The following RIPPLY1 variants were observed in gnomAD, a reference collection of about 807,000 sequenced individuals.
RIPPLY1 encodes ripply transcriptional repressor 1.
RIPPLY1 carries 10 observed loss-of-function variants against 8.7 expected under a neutral mutation model. The observed-to-expected ratio is 1.15, with a 90% CI of 0.71 to 1.94. RIPPLY1 has a LOEUF of 1.94. Ranked by LOEUF, RIPPLY1 falls within the 30% of genes most tolerant of loss-of-function variation. The pLI is 0.00. For synonymous variants in RIPPLY1, 54 were observed against 44.8 expected, an observed-to-expected ratio of 1.20 and a Z score of -0.82; for missense variants, 118 against 108.7, an observed-to-expected ratio of 1.09 and a Z score of -0.38.
intron 3 of RIPPLY1, among the ~76,000 whole-genome samples, chrX:106,901,112 C>T (rs1326296459): frequency 8.9e-6 from 1 of 112,238 alleles, no homozygotes; most frequent in African/African-American, 3.2e-5. Context: ...CCTTATGGAC[C>T]TATAGTGGTT....
Position 106,900,741 on chromosome X carries a change from T to C in RIPPLY1, c.*8A>G, listed in dbSNP as rs1398606237. ...CACACACCCTTCTGGCCCCTTTTCA[T>C]TGGCCTCCTACTTCTCTTCTTCATC... On this transcript the variant is annotated 3_prime_UTR_variant, in exon 4 of 4. Coordinates refer to ENST00000276173, the MANE Select transcript of RIPPLY1 (RefSeq NM_138382.3). The C allele has an allele frequency of 1.7e-6, 2 of 1,203,202 alleles. No homozygotes were observed. Among genetic ancestry groups the C allele is most frequent in the Non-Finnish European group, 2.2e-6 (2 of 891,151 alleles).
intron 1 of RIPPLY1, among the ~76,000 whole-genome samples, chrX:106,902,741 G>A (rs1418268821): frequency 8.9e-6 from 1 of 111,950 alleles, no homozygotes; most frequent in Non-Finnish European, 1.9e-5. Flanking sequence ...GCGTGGTCAG[G>A]AAAAAGACAA....
Position 106,900,995 on chromosome X carries a change from C to A in RIPPLY1, c.297-87G>T, listed in dbSNP as rs768503495. On this transcript the variant is annotated intron_variant, in intron 3 of 3. Coordinates refer to ENST00000276173, the MANE Select transcript of RIPPLY1 (RefSeq NM_138382.3). ...GCCAAGAAAGAAGCTGGCCCCTAAA[C>A]CCCTTCTCTTGGCTGCAACAATGAG... 50 of 1,113,013 alleles carry A rather than the reference C, an allele frequency of 4.5e-5. No individual in the cohort carries two copies. The African/African-American group carries it at 5.8e-4, about 13-fold the overall frequency. The allele number at this position is 1,113,013 out of a possible 1,213,427, so 91.7% of individuals were successfully genotyped here.
chrX:106,900,811 C>A lies in RIPPLY1; in HGVS notation c.394G>T (p.Glu132Ter). Residue 132 changes from glutamate to a stop codon, truncating the protein, a stop_gained, in exon 4 of 4, where the codon GAG (glutamate) becomes TAG (stop). Transcript: ENST00000276173. LOFTEE classifies it high-confidence loss of function. ...TCTTCTTCTTCGCTGTCTGAGTCCT[C>A]GTATAGGTTGATGGTTGCCTGGACA... ...FPVQATINLY[E>*]DSDSEEEEED... The A allele has an allele frequency of 8.3e-7, 1 of 1,211,445 alleles. No individual in the cohort carries two copies. Among genetic ancestry groups the A allele is most frequent in the Non-Finnish European group, 1.1e-6 (1 of 895,331 alleles).
rs1933123924 is a variant in RIPPLY1 at position 106,902,849 on chromosome X, C to T, written c.155+284G>A. ...GTTAAGCCCAGGTTTCATGGCAGTTCCCCATCCCCCTCAGGGGACTCAGCC... is the reference window on the plus strand; with the variant it reads ...GTTAAGCCCAGGTTTCATGGCAGTTTCCCATCCCCCTCAGGGGACTCAGCC... On this transcript the variant is annotated intron_variant, in intron 1 of 3. Coordinates refer to ENST00000276173, the MANE Select transcript of RIPPLY1 (RefSeq NM_138382.3). Among the ~76,000 whole-genome samples the T allele has an allele frequency of 2.7e-5, 3 of 112,524 alleles. 1 individual carries two copies. In the Admixed American group the frequency reaches 2.8e-4, roughly 11 times the overall value.
At chrX:106,901,350 C>T in intron 3 of RIPPLY1, 124 bp downstream of exon 3, 1 of 691,242 alleles carries the variant, frequency 1.4e-6, no homozygotes, top group African/African-American at 2.1e-5. Context: ...CTCCAGTTTT[C>T]TCTCCTATGA....
Position 106,901,876 on chromosome X carries a change from C to G in RIPPLY1, c.231+264G>C, listed in dbSNP as rs768983569. Among the ~76,000 whole-genome samples the G allele has an allele frequency of 2.7e-5, 3 of 111,835 alleles. No homozygotes were observed. The South Asian group carries it at 1.1e-3, about 42-fold the overall frequency. On this transcript the variant is annotated intron_variant, in intron 2 of 3. Coordinates refer to ENST00000276173, the MANE Select transcript of RIPPLY1 (RefSeq NM_138382.3). ...TGGAGTAAGGTGCCAGGAGACGAGG[C>G]CTCAAGCACCAGCACTGCCACACAC...
At position 106,903,332 on chromosome X, in the gene RIPPLY1, T is replaced by G; in HGVS notation, c.-45A>C. ...GTGGGGTCTCCTACTTCCCAGAACC[T>G]TCTGCACTCTTTTGGCTTTTCCTGG... On this transcript the variant is annotated 5_prime_UTR_variant, in exon 1 of 4. Transcript: ENST00000276173. The G allele has an allele frequency of 8.8e-7, 1 of 1,135,239 alleles. No individual in the cohort carries two copies. Among genetic ancestry groups the G allele is most frequent in the Non-Finnish European group, 1.2e-6 (1 of 853,113 alleles). The allele number at this position is 1,135,239 out of a possible 1,213,427, so 93.6% of individuals were successfully genotyped here.
In RIPPLY1 at chrX:106,900,837, G is replaced by A. The variant is rs1481031189; in HGVS notation, c.368C>T (p.Pro123Leu). ...GTATAGGTTGATGGTTGCCTGGACAGGAAAGTTCTGCAGTAAAATCTCCCC... is the reference window on the plus strand; with the variant it reads ...GTATAGGTTGATGGTTGCCTGGACAAGAAAGTTCTGCAGTAAAATCTCCCC... ...SAGEILLQNF[P>L]VQATINLYED... is the part of the protein sequence containing the mutation. The change falls in exon 4 of 4, where the codon CCT becomes CTT. Residue 123 changes from proline to leucine, a missense_variant. Pro to Leu is a moderately conservative substitution (Grantham distance 98). Coordinates refer to ENST00000276173, the MANE Select transcript of RIPPLY1 (RefSeq NM_138382.3). The A allele has an allele frequency of 8.3e-7, 1 of 1,211,619 alleles. No homozygotes were observed. Among genetic ancestry groups the A allele is most frequent in the African/African-American group, 1.7e-5 (1 of 57,746 alleles).
Position 106,900,547 on chromosome X carries a change from G to T in RIPPLY1, c.*202C>A. 1.4e-6 allele frequency: 1 copy of T among 720,729 alleles called. No homozygotes were observed. Among genetic ancestry groups the T allele is most frequent in the Non-Finnish European group, 1.9e-6 (1 of 525,129 alleles). 59.4% of individuals were successfully genotyped at this position (720,729 alleles called of 1,213,427 possible). On this transcript the variant is annotated 3_prime_UTR_variant, in exon 4 of 4. Coordinates refer to ENST00000276173, the MANE Select transcript of RIPPLY1 (RefSeq NM_138382.3). The stretch of plus-strand genomic sequence containing the variant: ...GGGCAGCTAGATGACCCAATTTTCA[G>T]TCCAGAAAGCTCTATCTGCTGGACT...
chrX:106,901,825 G>T (rs1933101992), intron 2 of RIPPLY1, among the ~76,000 whole-genome samples: 1 of 111,545 alleles, frequency 9.0e-6, no homozygotes, highest in South Asian at 3.8e-4. Context: ...CAAAGATTCA[G>T]GGAGATCGGG....
chrX:106,902,060 G>C, intron 2 of RIPPLY1, 80 bp downstream of exon 2: 1 of 840,245 alleles, frequency 1.2e-6, no homozygotes, highest in Non-Finnish European at 1.7e-6. Context: ...ACTGAGGTCA[G>C]GGGCTCTCTG....
chrX:106,901,408 C>A (rs1602451289), intron 3 of RIPPLY1, 66 bp downstream of exon 3: 1 of 1,030,776 alleles, frequency 9.7e-7, no homozygotes, highest in South Asian at 1.9e-5. Context: ...CTTCACAAGA[C>A]CTTTGTGAAG....
rs1602450728 is a variant in RIPPLY1 at position 106,900,667 on chromosome X, A to G, written c.*82T>C. ...CCTCCATTTGGATAGGTTAGGGGTGAGGAAGGGGGATGAGCTGTGGCGCTG... is the reference window on the plus strand; with the variant it reads ...CCTCCATTTGGATAGGTTAGGGGTGGGGAAGGGGGATGAGCTGTGGCGCTG... On this transcript the variant is annotated 3_prime_UTR_variant, in exon 4 of 4. Transcript: ENST00000276173. The G allele has an allele frequency of 1.8e-6, 2 of 1,128,156 alleles. No individual in the cohort carries two copies. Among genetic ancestry groups the G allele is most frequent in the Non-Finnish European group, 2.3e-6 (2 of 853,077 alleles). The allele number at this position is 1,128,156 out of a possible 1,213,427, so 93.0% of individuals were successfully genotyped here. A position where few individuals can be genotyped will look rare whatever the true frequency, so the allele number is the denominator to read the frequency against.
intron 3 of RIPPLY1, 107 bp from the exon 4 acceptor site, chrX:106,901,015 A>G (rs1206808589): frequency 1.8e-6 from 2 of 1,087,136 alleles, no homozygotes; most frequent in Admixed American, 7.3e-5. Context: ...TGGCTGCAAC[A>G]ATGAGGTCAG....
chrX:106,902,952 C>T (rs1204993013), intron 1 of RIPPLY1, among the ~76,000 whole-genome samples, 181 bp downstream of exon 1: 5 of 112,306 alleles, frequency 4.5e-5, no homozygotes, highest in Non-Finnish European at 9.4e-5. Flanking sequence ...TGCCACCCAG[C>T]GGGATTAGTG....
chrX:106,902,200 C>T lies in RIPPLY1; in HGVS notation c.171G>A (p.Trp57Ter). 1 of 1,183,667 alleles carries T rather than the reference C, an allele frequency of 8.4e-7. No homozygotes were observed. Among genetic ancestry groups the T allele is most frequent in the Non-Finnish European group, 1.1e-6 (1 of 880,573 alleles). ...CATTTGTGGAAGACAGCCAGGGCCT[C>T]CAGAGACAAGTTCCTCTGGGACAAA... ...VNGSERGTCL[W>*]RPWLSSTNDS... The change falls in exon 2 of 4, where the codon TGG becomes TGA. Residue 57 changes from tryptophan (W) to a stop codon, truncating the protein, a stop_gained. Coordinates refer to ENST00000276173, the MANE Select transcript of RIPPLY1 (RefSeq NM_138382.3). LOFTEE classifies it high-confidence loss of function.
chrX:106,903,087 G>C (rs753014114), intron 1 of RIPPLY1, 46 bp downstream of exon 1: 1 of 1,193,486 alleles, frequency 8.4e-7, no homozygotes, highest in Admixed American at 2.2e-5. Flanking sequence ...CTCTCAGGAA[G>C]CTCTCAAGCC....
chrX:106,900,140 C>A lies in RIPPLY1; in HGVS notation c.*609G>T, dbSNP rs944920286. On this transcript the variant is annotated 3_prime_UTR_variant, in exon 4 of 4. Transcript: ENST00000276173. ...ATGCCAACACACAGACTTCAATGGA[C>A]AGCAGGCAAAATGGGGAGGCATCCC... is the stretch of plus-strand genomic sequence containing the variant. 8.9e-6 allele frequency: 1 copy of A among 112,627 alleles called. No individual in the cohort carries two copies. The highest frequency in any genetic ancestry group is 3.2e-5 in the African/African-American group (1 of 30,983). 9.3% of individuals were successfully genotyped at this position (112,627 alleles called of 1,213,427 possible).
Sources: gnomAD v4.1 joint callset for allele counts (sites outside exome capture counted in the v4.1 genomes callset) on GRCh38, gnomAD v4.1.1 for gene constraint, MANE v1.5 for transcripts, NCBI Gene and HGNC (gene_info 2026-07-23, HGNC 2026-07-21) for gene names.